The following TCP10L variants were observed in gnomAD, a reference collection of about 807,000 sequenced individuals.
The protein encoded by TCP10L is T-complex protein 10A homolog 1.
A neutral mutation model predicts 19.2 loss-of-function variants in TCP10L; 11 were observed. That is an observed-to-expected ratio of 0.57 (90% confidence interval 0.36 to 0.95). The LOEUF is 0.95. TCP10L is among the 40% of genes least tolerant of loss of function. The probability of loss-of-function intolerance (pLI) is 0.01; values close to 1 mark genes in which losing one functional copy is unlikely to be tolerated. For synonymous variants in TCP10L, 96 were observed against 97.2 expected, an observed-to-expected ratio of 0.99 and a Z score of 0.07; for missense variants, 247 against 263.9, an observed-to-expected ratio of 0.94 and a Z score of 0.44.
Position 32,582,199 on chromosome 21 carries a change from C to A in TCP10L, c.360+1G>T. 1.2e-6 allele frequency: 2 copies of A among 1,613,828 alleles called. No individual in the cohort carries two copies. Among genetic ancestry groups the A allele is most frequent in the South Asian group, 2.2e-5 (2 of 91,002 alleles). ...CAAAAACATAAATGCGCTTTTGGTA[C>A]CAGAGTGTGCGATTCTTGCCCCGCG... On this transcript the variant is annotated splice_donor_variant, in intron 3 of 4. Transcript: ENST00000300258. LOFTEE classifies it high-confidence loss of function. The surrounding 1 kb of genome is among the most constrained non-coding windows in gnomAD (Gnocchi z 4.2).
In TCP10L at chr21:32,582,584, T is replaced by C. The variant is rs1430959828; in HGVS notation, c.145-169A>G. On this transcript the variant is annotated intron_variant, in intron 2 of 4. Coordinates refer to ENST00000300258, the MANE Select transcript of TCP10L (RefSeq NM_144659.7). This position sits in a 1 kb window ranked among gnomAD's most constrained non-coding sequence, Gnocchi z 4.2. ...ACAGCCTTTTTCTTTCTTCTTTCTT[T>C]CCTTTCTTTCTTTCTTTTCTTTTCT... 9 of 639,982 alleles carry C rather than the reference T, an allele frequency of 1.4e-5. No individual in the cohort carries two copies. Among genetic ancestry groups the C allele is most frequent in the Admixed American group, 1.0e-4 (3 of 29,578 alleles). The allele number at this position is 639,982 out of a possible 1,614,324, so 39.6% of individuals were successfully genotyped here.
At chr21:32,577,051 A>C in intron 4 of TCP10L, 128 bp from the exon 5 acceptor site, 1 of 959,544 alleles carries the variant, frequency 1.0e-6, no homozygotes, top group Non-Finnish European at 1.5e-6. Flanking sequence ...AGAAGGACAC[A>C]TGAGGTATCC....
Position 32,578,851 on chromosome 21 carries a change from G to A in TCP10L, c.361-20C>T. ...CAATGCCTAAAAGACAAAATGCAGG[G>A]AAATTCTTCACATTTTCGAAGGTAA... is the stretch of plus-strand genomic sequence containing the variant. On this transcript the variant is annotated intron_variant, in intron 3 of 4. Transcript: ENST00000300258. The surrounding 1 kb of genome is among the most constrained non-coding windows in gnomAD (Gnocchi z 4.2). 2 of 1,613,554 alleles carry A rather than the reference G, an allele frequency of 1.2e-6. No individual in the cohort carries two copies. The highest frequency in any genetic ancestry group is 1.7e-6 in the Non-Finnish European group (2 of 1,179,898).
rs181477550 is a variant in TCP10L at position 32,582,746 on chromosome 21, C to T, written c.145-331G>A. On this transcript the variant is annotated intron_variant, in intron 2 of 4. Transcript: ENST00000300258. This position sits in a 1 kb window ranked among gnomAD's most constrained non-coding sequence, Gnocchi z 4.2. ...TAGCTGGGACTACAGGCATGTGCCA[C>T]CATACTTCGCTAATTTTTGTATTTT... Among the ~76,000 whole-genome samples, 3 of 152,180 alleles carry T rather than the reference C, an allele frequency of 2.0e-5. No homozygotes were observed. The highest frequency in any genetic ancestry group is 7.2e-5 in the African/African-American group (3 of 41,532).
chr21:32,580,476 C>CTGTGTGTGTGTGTG (rs3056366), intron 3 of TCP10L, among the ~76,000 whole-genome samples: 30 of 137,232 alleles, frequency 2.2e-4, no homozygotes, highest in African/African-American at 5.5e-4. Flanking sequence ...CGGTGGGTGC[C>CTGTGTGTGTGTGTG]TGTGTGTGTG....
chr21:32,576,975 T>A (rs765015533), intron 4 of TCP10L, 52 bp from the exon 5 acceptor site: 2 of 1,558,136 alleles, frequency 1.3e-6, no homozygotes, highest in South Asian at 2.4e-5. Flanking sequence ...ATATTATTTT[T>A]AAATGTTAAG....
Position 32,582,064 on chromosome 21 carries a change from T to C in TCP10L, c.360+136A>G. On this transcript the variant is annotated intron_variant, in intron 3 of 4. Transcript: ENST00000300258. The surrounding 1 kb of genome is among the most constrained non-coding windows in gnomAD (Gnocchi z 4.2). ...CATTACTTACGGGAAATGGAGTTGA[T>C]GGAAAGATAGCAACCCCTCCCACCA... 2 of 968,160 alleles carry C rather than the reference T, an allele frequency of 2.1e-6. No homozygotes were observed. Among genetic ancestry groups the C allele is most frequent in the Non-Finnish European group, 3.1e-6 (2 of 639,164 alleles). The allele number at this position is 968,160 out of a possible 1,614,324, so 60.0% of individuals were successfully genotyped here. A position where few individuals can be genotyped will look rare whatever the true frequency, so the allele number is the denominator to read the frequency against.
intron 3 of TCP10L, among the ~76,000 whole-genome samples, chr21:32,579,734 T>C (rs972892433): frequency 2.0e-5 from 3 of 152,192 alleles, no homozygotes; most frequent in African/African-American, 7.2e-5. Flanking sequence ...CTTAGGGTAA[T>C]TGTTATACAA....
At chr21:32,579,948 C>T (rs1005854629) in intron 3 of TCP10L, among the ~76,000 whole-genome samples, 5 of 152,116 alleles carry the variant, frequency 3.3e-5, no homozygotes, top group East Asian at 1.9e-4. Context: ...AAGGACTCGG[C>T]GCTTTGCTGT....
In TCP10L at chr21:32,582,344, A is replaced by G; in HGVS notation, c.216T>C (p.His72=). ...CATCTATATGACTCCGGAGTTTTCCATGAACATCAGCCCACAGAGACTTCT... is the reference window on the plus strand; with the variant it reads ...CATCTATATGACTCCGGAGTTTTCCGTGAACATCAGCCCACAGAGACTTCT... The part of the protein sequence containing the change: ...GRQKSLWADV[H]GKLRSHIDAL... The change falls in exon 3 of 5, where the codon CAT becomes CAC. Residue 72 remains histidine, a synonymous_variant. Coordinates refer to ENST00000300258, the MANE Select transcript of TCP10L (RefSeq NM_144659.7). The surrounding 1 kb of genome is among the most constrained non-coding windows in gnomAD (Gnocchi z 4.2). 1 of 1,613,870 alleles carries G rather than the reference A, an allele frequency of 6.2e-7. No individual in the cohort carries two copies. The highest frequency in any genetic ancestry group is 8.5e-7 in the Non-Finnish European group (1 of 1,179,988).
intron 2 of TCP10L, among the ~76,000 whole-genome samples, chr21:32,583,261 T>C (rs780625569): frequency 6.6e-6 from 1 of 151,906 alleles, no homozygotes; most frequent in Non-Finnish European, 1.5e-5. Context: ...TCTCAAAGGC[T>C]GTACTGGCAT....
intron 2 of TCP10L, among the ~76,000 whole-genome samples, chr21:32,583,076 CCAGGCTGGAGT>C (rs2038515306): frequency 1.6e-5 from 2 of 128,822 alleles, no homozygotes; most frequent in South Asian, 5.1e-4. Context: ...TCTCTGTCAC[CCAGGCTGGAGT>C]GCAGTGGCGC....
Position 32,576,369 on chromosome 21 carries a change from G to A in TCP10L, c.*405C>T. On this transcript the variant is annotated 3_prime_UTR_variant, in exon 5 of 5. Transcript: ENST00000300258. ...GGCCCGCCTTGTCACAAGGTCCCTGGAGCGGGCAATGCCTTGAGCCCAAAG... is the reference window on the plus strand; with the variant it reads ...GGCCCGCCTTGTCACAAGGTCCCTGAAGCGGGCAATGCCTTGAGCCCAAAG... The A allele has an allele frequency of 7.7e-7, 1 of 1,293,770 alleles. No individual in the cohort carries two copies. Among genetic ancestry groups the A allele is most frequent in the Admixed American group, 2.2e-5 (1 of 46,434 alleles). 80.1% of individuals were successfully genotyped at this position (1,293,770 alleles called of 1,614,324 possible).
At position 32,576,057 on chromosome 21, in the gene TCP10L, C is replaced by T. The variant is rs1461925190; in HGVS notation, c.*717G>A. On this transcript the variant is annotated 3_prime_UTR_variant, in exon 5 of 5. Transcript: ENST00000300258. ...TGTTGGCAAGTCTCACAGGTGAGGA[C>T]CCAACGAGGGAATCAGACAAAAAGT... 2.2e-6 allele frequency: 1 copy of T among 457,900 alleles called. No individual in the cohort carries two copies. The highest frequency in any genetic ancestry group is 3.9e-6 in the Non-Finnish European group (1 of 253,788). The allele number at this position is 457,900 out of a possible 1,614,324, so 28.4% of individuals were successfully genotyped here.
chr21:32,583,620 G>C (rs1985027), intron 2 of TCP10L, among the ~76,000 whole-genome samples: 1 of 147,778 alleles, frequency 6.8e-6, no homozygotes, highest in East Asian at 2.0e-4. Flanking sequence ...AAAAAATTAT[G>C]GAAGCCACTG....
At chr21:32,579,617 A>G (rs1166741632) in intron 3 of TCP10L, among the ~76,000 whole-genome samples, 1 of 152,232 alleles carries the variant, frequency 6.6e-6, no homozygotes, top group African/African-American at 2.4e-5. Flanking sequence ...GACCAGTGCA[A>G]TGCACAGAAT....
In TCP10L at chr21:32,578,434, C is replaced by T. The variant is rs2038457843; in HGVS notation, c.498+260G>A. On this transcript the variant is annotated intron_variant, in intron 4 of 4. Coordinates refer to ENST00000300258, the MANE Select transcript of TCP10L (RefSeq NM_144659.7). This position sits in a 1 kb window ranked among gnomAD's most constrained non-coding sequence, Gnocchi z 4.2. ...ACAAAGCCCCCAAGTCCCCTCGGCCCCAGCCAGACGCTTGCTGCTGTGAGT... is the reference window on the plus strand; with the variant it reads ...ACAAAGCCCCCAAGTCCCCTCGGCCTCAGCCAGACGCTTGCTGCTGTGAGT... Among the ~76,000 whole-genome samples, 1 of 152,252 alleles carries T rather than the reference C, an allele frequency of 6.6e-6. No individual in the cohort carries two copies. Among genetic ancestry groups the T allele is most frequent in the African/African-American group, 2.4e-5 (1 of 41,462 alleles).
chr21:32,576,575 C>A lies in TCP10L; in HGVS notation c.*199G>T, dbSNP rs2038436288. On this transcript the variant is annotated 3_prime_UTR_variant, in exon 5 of 5. Coordinates refer to ENST00000300258, the MANE Select transcript of TCP10L (RefSeq NM_144659.7). ...TATAAAACCCAATCCAAGTTGTTTG[C>A]TTTTATAGCATTAGAGACATGTCTG... The A allele has an allele frequency of 6.1e-6, 4 of 650,538 alleles. No homozygotes were observed. In the East Asian group the frequency reaches 1.1e-4, roughly 18 times the overall value. 40.3% of individuals were successfully genotyped at this position (650,538 alleles called of 1,614,324 possible). A position where few individuals can be genotyped will look rare whatever the true frequency, so the allele number is the denominator to read the frequency against.
chr21:32,581,936 A>G (rs558069907), intron 3 of TCP10L, among the ~76,000 whole-genome samples: 1 of 152,216 alleles, frequency 6.6e-6, no homozygotes, highest in African/African-American at 2.4e-5. Context: ...ACATCATGAG[A>G]TGTCTTAGAA....
Sources: allele counts gnomAD v4.1 joint callset (sites outside exome capture counted in the v4.1 genomes callset), GRCh38; gene constraint gnomAD v4.1.1; non-coding constraint Gnocchi (gnomAD v3.1); transcripts MANE v1.5; gene names NCBI Gene and HGNC (gene_info 2026-07-23, HGNC 2026-07-21).